LIAS: variants seen among roughly 807,000 people sequenced by gnomAD.
LIAS encodes lipoic acid synthetase, also known as lipoyl synthase, mitochondrial.
In LIAS, 36 loss-of-function variants were observed where a neutral mutation model predicts 49.4. The observed-to-expected ratio is 0.73, with a 90% CI of 0.56 to 0.96. The LOEUF (loss-of-function observed/expected upper bound fraction) is 0.96. LIAS is among the 40% of genes least tolerant of loss of function. The pLI is 0.00. For synonymous variants in LIAS, 145 were observed against 155.8 expected, an observed-to-expected ratio of 0.93 and a Z score of 0.52; for missense variants, 399 against 456.3, an observed-to-expected ratio of 0.87 and a Z score of 1.14.
chr4:39,476,743 G>A (rs1331038470), intron 10 of LIAS: 7 of 201,646 alleles, frequency 3.5e-5, no homozygotes, highest in Non-Finnish European at 9.8e-6. Flanking sequence ...CTTTGACAGT[G>A]ATGAGGGATA....
chr4:39,463,196 T>C (rs28683585), intron 3 of LIAS, among the ~76,000 whole-genome samples: 11,768 of 151,238 alleles, frequency 0.078, 556 homozygotes, highest in African/African-American at 0.13. Context: ...AGTGATCCTC[T>C]CTCCTCAGCC....
chr4:39,470,275 G>A, intron 8 of LIAS, 111 bp downstream of exon 8: 2 of 814,706 alleles, frequency 2.5e-6, no homozygotes, highest in Non-Finnish European at 3.6e-6. Flanking sequence ...GGTTATAGAT[G>A]GCAGCATGAA....
At chr4:39,465,447 T>C (rs1744720858) in intron 6 of LIAS, 105 bp downstream of exon 6, 1 of 950,928 alleles carries the variant, frequency 1.1e-6, no homozygotes, top group South Asian at 1.7e-5. Context: ...TTTGAGGAGT[T>C]TCATAGTTTT....
intron 1 of LIAS, among the ~76,000 whole-genome samples, chr4:39,459,837 GTA>G (rs1744360512): frequency 6.6e-6 from 1 of 152,118 alleles, no homozygotes; most frequent in South Asian, 2.1e-4. Flanking sequence ...GCGTGCGCCT[GTA>G]GTCCCAGCTA....
At chr4:39,468,502 A>AAAAAAAAAATAT (rs140159831) in intron 7 of LIAS, 2 of 125,186 alleles carry the variant, frequency 1.6e-5, no homozygotes, top group African/African-American at 5.9e-5. Context: ...GGAAAAAAAA[A>AAAAAAAAAATAT]ATATATATAT....
chr4:39,459,066 C>T lies in LIAS; in HGVS notation c.-52C>T, dbSNP rs984797041. The stretch of plus-strand genomic sequence containing the variant: ...CGACGTAATTTCGACCTGTCCTTTC[C>T]CGGGAGTTAGCGATCCCTCAACCCC... On this transcript the variant is annotated 5_prime_UTR_variant, in exon 1 of 11. Coordinates refer to ENST00000640888, the MANE Select transcript of LIAS (RefSeq NM_006859.4). 3.7e-6 allele frequency: 6 copies of T among 1,603,952 alleles called. No homozygotes were observed. The highest frequency in any genetic ancestry group is 2.7e-5 in the African/African-American group (2 of 74,734).
In LIAS at chr4:39,460,852, G is replaced by T. The variant is rs199942447; in HGVS notation, c.108G>T (p.Lys36Asn). 104 of 1,608,234 alleles carry T rather than the reference G, an allele frequency of 6.5e-5. No homozygotes were observed. Among genetic ancestry groups the T allele is most frequent in the Non-Finnish European group, 8.6e-5 (101 of 1,178,126 alleles). ...RPLSSLPDKK[K>N]ELLQNGPDLQ... ...TAAGCTCCTTGCCAGATAAAAAAAA[G>T]GAACTCCTACAGAATGGACCAGACC... The change falls in exon 2 of 11, where the codon AAG becomes AAT. Residue 36 changes from lysine (K) to asparagine (N), a missense_variant. By Grantham distance (94) the Lys-to-Asn change is moderately conservative (BLOSUM62 0). Coordinates refer to ENST00000640888, the MANE Select transcript of LIAS (RefSeq NM_006859.4).
At chr4:39,461,566 C>T (rs1222163746) in intron 2 of LIAS, among the ~76,000 whole-genome samples, 1 of 152,168 alleles carries the variant, frequency 6.6e-6, no homozygotes, top group Non-Finnish European at 1.5e-5. Flanking sequence ...TACTTTTTGG[C>T]AGTATCATTC....
Position 39,459,069 on chromosome 4 carries a change from G to A in LIAS, c.-49G>A, listed in dbSNP as rs983283954. On this transcript the variant is annotated 5_prime_UTR_variant, in exon 1 of 11. Coordinates refer to ENST00000640888, the MANE Select transcript of LIAS (RefSeq NM_006859.4). ...CGTAATTTCGACCTGTCCTTTCCCGGGAGTTAGCGATCCCTCAACCCCTGC... is the reference window on the plus strand; with the variant it reads ...CGTAATTTCGACCTGTCCTTTCCCGAGAGTTAGCGATCCCTCAACCCCTGC... 4 of 1,605,882 alleles carry A rather than the reference G, an allele frequency of 2.5e-6. No individual in the cohort carries two copies. Among genetic ancestry groups the A allele is most frequent in the African/African-American group, 2.7e-5 (2 of 74,762 alleles).
In LIAS at chr4:39,477,216, C is replaced by T. The variant is rs566577765; in HGVS notation, c.*101C>T. ...TGCCTGGACTGCAGTGGATGTGCCC[C>T]ACCTCTTTGCTTAAAAAAAAAAATG... is the stretch of plus-strand genomic sequence containing the variant. On this transcript the variant is annotated 3_prime_UTR_variant, in exon 11 of 11. Coordinates refer to ENST00000640888, the MANE Select transcript of LIAS (RefSeq NM_006859.4). 19 of 830,640 alleles carry T rather than the reference C, an allele frequency of 2.3e-5. No individual in the cohort carries two copies. The African/African-American group carries it at 3.0e-4, about 13-fold the overall frequency. 51.5% of individuals were successfully genotyped at this position (830,640 alleles called of 1,614,324 possible).
Position 39,460,835 on chromosome 4 carries a change from T to C in LIAS, c.91T>C (p.Leu31=). 1 of 1,605,946 alleles carries C rather than the reference T, an allele frequency of 6.2e-7. No homozygotes were observed. The highest frequency in any genetic ancestry group is 8.5e-7 in the Non-Finnish European group (1 of 1,177,552). The change falls in exon 2 of 11, where the codon TTG becomes CTG. Residue 31 remains leucine (L), a synonymous_variant. Transcript: ENST00000640888. ...CAGCCCAGTCAGACCGTTAAGCTCC[T>C]TGCCAGATAAAAAAAAGGAACTCCT... ...FCSPVRPLSS[L]PDKKKELLQN...
At chr4:39,461,073 C>A in intron 2 of LIAS, 111 bp downstream of exon 2, 2 of 881,454 alleles carry the variant, frequency 2.3e-6, no homozygotes, top group Non-Finnish European at 3.3e-6. Context: ...TTAAATTTAG[C>A]TAAAAATCAT....
chr4:39,460,853 G>T lies in LIAS; in HGVS notation c.109G>T (p.Glu37Ter). The T allele has an allele frequency of 1.2e-6, 2 of 1,609,268 alleles. No homozygotes were observed. Among genetic ancestry groups the T allele is most frequent in the Non-Finnish European group, 1.7e-6 (2 of 1,178,456 alleles). ...AAGCTCCTTGCCAGATAAAAAAAAGGAACTCCTACAGAATGGACCAGACCT... is the reference window on the plus strand; with the variant it reads ...AAGCTCCTTGCCAGATAAAAAAAAGTAACTCCTACAGAATGGACCAGACCT... ...PLSSLPDKKKELLQNGPDLQD... is the reference protein window; with the variant it reads ...PLSSLPDKKK The change falls in exon 2 of 11, where the codon GAA becomes TAA. Residue 37 changes from glutamate (E) to a stop codon, truncating the protein, a stop_gained. Transcript: ENST00000640888. LOFTEE classifies it high-confidence loss of function.
chr4:39,471,392 G>T, intron 9 of LIAS, 86 bp downstream of exon 9: 1 of 1,003,290 alleles, frequency 1.0e-6, no homozygotes, highest in Non-Finnish European at 1.5e-6. Context: ...GGAGTGTAGT[G>T]GCACAATCTC....
intron 1 of LIAS, 95 bp downstream of exon 1, chr4:39,459,257 GAACATTTACTACTAGCC>G (rs1438845527): frequency 1.8e-6 from 2 of 1,126,738 alleles, no homozygotes; most frequent in East Asian, 4.8e-5. Context: ...TGCATTTACT[GAACATTTACTACTAGCC>G]AACGGCAGTT....
rs775653198 is a variant in LIAS, at chr4:39,473,224, G to A, written c.1066+13G>A. On this transcript the variant is annotated intron_variant, in intron 10 of 10. Transcript: ENST00000640888. ...TCATATAAAGCAGGTAAGTTAGATT[G>A]TGGGGCATGGTTTCATTTAGGCCGT... The A allele has an allele frequency of 6.7e-7, 1 of 1,492,374 alleles. No individual in the cohort carries two copies. The highest frequency in any genetic ancestry group is 1.1e-5 in the South Asian group (1 of 88,398). 92.4% of individuals were successfully genotyped at this position (1,492,374 alleles called of 1,614,324 possible). A position where few individuals can be genotyped will look rare whatever the true frequency, so the allele number is the denominator to read the frequency against.
At chr4:39,466,785 T>G (rs1744775221) in intron 6 of LIAS, 2 of 152,162 alleles carry the variant, frequency 1.3e-5, no homozygotes, top group African/African-American at 4.8e-5. Context: ...GTACATGTGG[T>G]CTTTTCTACA....
In LIAS at chr4:39,465,028, GT is replaced by G; in HGVS notation, c.394-17del. ...GTCATCTGTCTATTTCATTTAAATT[GT>G]AACATTTCTATTCTAGTTGATGGGT... On this transcript the variant is annotated splice_polypyrimidine_tract_variant and intron_variant, in intron 4 of 10. Transcript: ENST00000640888. 6.3e-7 allele frequency: 1 copy of G among 1,599,224 alleles called. No homozygotes were observed. The highest frequency in any genetic ancestry group is 8.6e-7 in the Non-Finnish European group (1 of 1,169,084).
rs181735333 is a variant in LIAS at position 39,477,203 on chromosome 4, A to T, written c.*88A>T. The T allele has an allele frequency of 3.9e-5, 38 of 982,808 alleles. No individual in the cohort carries two copies. In the East Asian group the frequency reaches 9.7e-4, roughly 25 times the overall value. The allele number at this position is 982,808 out of a possible 1,614,324, so 60.9% of individuals were successfully genotyped here. On this transcript the variant is annotated 3_prime_UTR_variant, in exon 11 of 11. Transcript: ENST00000640888. The stretch of plus-strand genomic sequence containing the variant: ...GGTGGTGCCAGAATGCCTGGACTGC[A>T]GTGGATGTGCCCCACCTCTTTGCTT...
Sources: gnomAD v4.1 joint callset for allele counts (sites outside exome capture counted in the v4.1 genomes callset) on GRCh38, gnomAD v4.1.1 for gene constraint, MANE v1.5 for transcripts, NCBI Gene and HGNC (gene_info 2026-07-23, HGNC 2026-07-21) for gene names.